GGT5: variants seen among roughly 807,000 people sequenced by gnomAD.
The protein encoded by GGT5 is glutathione hydrolase 5 proenzyme.
In GGT5, 50 loss-of-function variants were observed where a neutral mutation model predicts 58.1. That is an observed-to-expected ratio of 0.86 (90% CI 0.69 to 1.09). The LOEUF (loss-of-function observed/expected upper bound fraction) is 1.09. GGT5 is among the 50% of genes least tolerant of loss of function. The pLI, the probability that GGT5 is intolerant of heterozygous loss-of-function variation, is 0.00. For missense variants in GGT5, 800 were observed against 789.4 expected (o/e 1.01, Z -0.16); for synonymous variants, 370 against 346.1 (o/e 1.07, Z -0.77).
chr22:24,231,283 T>A, intron 6 of GGT5, 101 bp downstream of exon 6: 1 of 707,324 alleles, frequency 1.4e-6, no homozygotes. Context: ...AGGAGGAGGC[T>A]GAGCTGGGCC....
chr22:24,234,789 C>T (rs996598155), intron 1 of GGT5, among the ~76,000 whole-genome samples: 5 of 151,814 alleles, frequency 3.3e-5, no homozygotes, highest in Non-Finnish European at 5.9e-5. Flanking sequence ...CACTGCACTC[C>T]AGCCTGGGCA....
chr22:24,244,334 T>G, intron 1 of GGT5: 17 of 513,930 alleles, frequency 3.3e-5, no homozygotes, highest in East Asian at 1.3e-4. Context: ...CACATACACA[T>G]ACCCACACAC....
chr22:24,244,651 C>T lies in GGT5; in HGVS notation c.75G>A (p.Leu25=), dbSNP rs1407501327. Residue 25 remains leucine (L), a synonymous_variant, in exon 1 of 12, where the codon CTG becomes CTA. Transcript: ENST00000327365. Reference sequence around the variant, plus strand: ...CCTGGTGTCGAGAGAGGACCACAGCCAGCACAATGACAGCCAGCGCCAGCC... The same window carrying T: ...CCTGGTGTCGAGAGAGGACCACAGCTAGCACAATGACAGCCAGCGCCAGCC... ...GLGLALAVIV[L]AVVLSRHQAP... is the part of the protein sequence containing the mutation. 2.5e-6 allele frequency: 4 copies of T among 1,612,924 alleles called. No individual in the cohort carries two copies. The highest frequency in any genetic ancestry group is 3.4e-6 in the Non-Finnish European group (4 of 1,179,998).
intron 1 of GGT5, among the ~76,000 whole-genome samples, chr22:24,237,335 A>G (rs998648473): frequency 5.3e-5 from 8 of 152,100 alleles, no homozygotes; most frequent in Non-Finnish European, 1.2e-4. Context: ...TCCAGCTTCA[A>G]ATCATCTCAG....
At position 24,232,134 on chromosome 22, in the gene GGT5, A is replaced by G; in HGVS notation, c.671T>C (p.Leu224Pro). ...PLPWPALATT[L>P]ETVATEGVEV... Reference sequence around the variant, plus strand: ...CACGCCCTCTGTGGCCACGGTCTCCAGGGTGGTGGCCAGTGCAGGCCATGG... The same window carrying G: ...CACGCCCTCTGTGGCCACGGTCTCCGGGGTGGTGGCCAGTGCAGGCCATGG... The change falls in exon 5 of 12, where the codon CTG becomes CCG. Residue 224 changes from leucine (L) to proline (P), a missense_variant. Leu to Pro is a moderately conservative substitution (Grantham distance 98, BLOSUM62 -3). Transcript: ENST00000327365. 1.3e-6 allele frequency: 2 copies of G among 1,586,004 alleles called. No homozygotes were observed. Among genetic ancestry groups the G allele is most frequent in the African/African-American group, 1.4e-5 (1 of 73,388 alleles).
At chr22:24,220,175 G>T (rs931776096) in intron 11 of GGT5, 59 bp from the exon 12 acceptor site, 28 of 1,529,502 alleles carry the variant, frequency 1.8e-5, no homozygotes, top group Non-Finnish European at 2.1e-5. Flanking sequence ...CTCCAGGAGG[G>T]AGAGGCCTCT....
At chr22:24,226,942 ATT>A (rs34544519) in intron 6 of GGT5, among the ~76,000 whole-genome samples, 175 bp from the exon 7 acceptor site, 139 of 109,262 alleles carry the variant, frequency 1.3e-3, no homozygotes, top group Middle Eastern at 4.8e-3. Context: ...TAAGTTAAGG[ATT>A]TTTTTTTTTT....
chr22:24,225,549 G>A lies in GGT5; in HGVS notation c.1333C>T (p.Pro445Ser). 1 of 1,607,794 alleles carries A rather than the reference G, an allele frequency of 6.2e-7. No individual in the cohort carries two copies. The highest frequency in any genetic ancestry group is 1.1e-5 in the South Asian group (1 of 90,936). ...CPRGSGTTPS[P>S]VSGDRVGGAP... is the part of the protein sequence containing the mutation. ...GGGTGGGAAGCTTTGTTCTCACCAG[G>A]TGAGGGGGTGGTGCCGGAACCCCGG... The change falls in exon 9 of 12, where the codon CCT (proline) becomes TCT (serine). Residue 445 changes from proline to serine, a missense_variant. Coordinates refer to ENST00000327365, the MANE Select transcript of GGT5 (RefSeq NM_004121.5).
intron 1 of GGT5, among the ~76,000 whole-genome samples, chr22:24,235,502 C>G (rs2148926488): frequency 6.6e-6 from 1 of 152,250 alleles, no homozygotes; most frequent in African/African-American, 2.4e-5. Flanking sequence ...CTAGCATGTC[C>G]ATCTGGACAC....
chr22:24,240,517 C>G (rs2071887227), intron 1 of GGT5, among the ~76,000 whole-genome samples: 1 of 151,276 alleles, frequency 6.6e-6, no homozygotes. Context: ...GAGATAGAGC[C>G]TCACTCTGTC....
chr22:24,228,065 AAC>A lies in GGT5; in HGVS notation c.902-1300_902-1299del, dbSNP rs1491027854. Among the ~76,000 whole-genome samples, 17 of 88,862 alleles carry A rather than the reference AAC, an allele frequency of 1.9e-4. 1 individual carries two copies. The highest frequency in any genetic ancestry group is 2.9e-4 in the East Asian group (1 of 3,390). 58.3% of individuals were successfully genotyped at this position (88,862 alleles called of 152,430 possible). A position where few individuals can be genotyped will look rare whatever the true frequency, so the allele number is the denominator to read the frequency against. On this transcript the variant is annotated intron_variant, in intron 6 of 11. Transcript: ENST00000327365. ...CTCTGTCTCAAAAAAAAAAAAAAAA[AAC>A]AAAACAAAAAAAAAAAAACTCTGAA... is the stretch of plus-strand genomic sequence containing the variant.
At chr22:24,232,627 C>T (rs1444052578) in intron 4 of GGT5, among the ~76,000 whole-genome samples, 196 bp downstream of exon 4, 1 of 152,130 alleles carries the variant, frequency 6.6e-6, no homozygotes, top group Non-Finnish European at 1.5e-5. Flanking sequence ...GCAATAAACT[C>T]CCCGCAGCCT....
chr22:24,228,064 AAACAAAAC>A (rs1179805529), intron 6 of GGT5, among the ~76,000 whole-genome samples: 999 of 90,420 alleles, frequency 0.011, 100 homozygotes, highest in Admixed American at 0.033. Flanking sequence ...AAAAAAAAAA[AAACAAAAC>A]AAAAAAAAAA....
chr22:24,220,623 G>A (rs1167679862), intron 11 of GGT5: 25 of 454,758 alleles, frequency 5.5e-5, no homozygotes, highest in Admixed American at 3.1e-4. Flanking sequence ...AAAGCCAGGC[G>A]TGGTGGCACA....
chr22:24,232,147 G>A lies in GGT5; in HGVS notation c.658C>T (p.Leu220=). Residue 220 remains leucine (L), a synonymous_variant, in exon 5 of 12, where the codon CTG becomes TTG. Coordinates refer to ENST00000327365, the MANE Select transcript of GGT5 (RefSeq NM_004121.5). ...GCCACGGTCTCCAGGGTGGTGGCCA[G>A]TGCAGGCCATGGGAGTGGGTCCTGA... ...RPQDPLPWPA[L]ATTLETVATE... is the part of the protein sequence containing the mutation. 6.2e-7 allele frequency: 1 copy of A among 1,600,138 alleles called. No homozygotes were observed. Among genetic ancestry groups the A allele is most frequent in the Non-Finnish European group, 8.5e-7 (1 of 1,171,832 alleles).
At chr22:24,233,358 TG>T in intron 3 of GGT5, 139 bp downstream of exon 3, 1 of 581,092 alleles carries the variant, frequency 1.7e-6, no homozygotes, top group Non-Finnish European at 3.0e-6. Flanking sequence ...AGGTTGGGGC[TG>T]GGGGTTCCCC....
chr22:24,230,981 C>G (rs895562957), intron 6 of GGT5, among the ~76,000 whole-genome samples: 3 of 152,204 alleles, frequency 2.0e-5, no homozygotes, highest in Non-Finnish European at 4.4e-5. Flanking sequence ...CCAGCGCAGG[C>G]AGCCCCAGGC....
intron 1 of GGT5, among the ~76,000 whole-genome samples, chr22:24,240,264 C>G (rs1464586804): frequency 6.6e-6 from 1 of 151,928 alleles, no homozygotes; most frequent in African/African-American, 2.4e-5. Flanking sequence ...ATAATAAATG[C>G]AAAACAAGAT....
chr22:24,236,306 ACTTT>A lies in GGT5; in HGVS notation c.174-2306_174-2303del, dbSNP rs2048093119. On this transcript the variant is annotated intron_variant, in intron 1 of 11. Transcript: ENST00000327365. ...ACCCTGGAGCCATCCTGGATTGGTC[ACTTT>A]CTTCCTTCCCCACATCCAACCCACC... 5.3e-5 allele frequency among the ~76,000 whole-genome samples: 8 copies of A among 152,102 alleles called. No individual in the cohort carries two copies. The South Asian group carries it at 1.7e-3, about 32-fold the overall frequency.
Sources: allele counts gnomAD v4.1 joint callset (sites outside exome capture counted in the v4.1 genomes callset), GRCh38; gene constraint gnomAD v4.1.1; transcripts MANE v1.5; gene names NCBI Gene and HGNC (gene_info 2026-07-23, HGNC 2026-07-21).